The following EIF3L variants were observed in gnomAD, a reference collection of about 807,000 sequenced individuals.
EIF3L encodes the protein eIEF associated protein HSPC021.
In EIF3L, 32 loss-of-function variants were observed where a neutral mutation model predicts 74.6. That is an observed-to-expected ratio of 0.43 (90% CI 0.32 to 0.58). The LOEUF is 0.58. EIF3L is among the 20% of genes least tolerant of loss of function. The probability of loss-of-function intolerance (pLI) is 0.06; values close to 1 mark genes in which losing one functional copy is unlikely to be tolerated. For missense variants in EIF3L, 474 were observed against 707.8 expected (o/e 0.67, Z 3.75); for synonymous variants, 256 against 254.4 (o/e 1.01, Z -0.06).
chr22:37,850,106 G>A (rs536019258), intron 2 of EIF3L, 43 bp downstream of exon 2: 3 of 1,608,606 alleles, frequency 1.9e-6, no homozygotes, highest in Non-Finnish European at 2.6e-6. Flanking sequence ...GTAGGGATCA[G>A]TTCCTTTGGA....
At chr22:37,876,232 C>T (rs567757568) in intron 10 of EIF3L, 85 of 482,422 alleles carry the variant, frequency 1.8e-4, no homozygotes, top group Non-Finnish European at 2.7e-4. Context: ...TGGGATCAGG[C>T]GATCATCCTA....
At chr22:37,859,410 C>T (rs1207268790) in intron 5 of EIF3L, among the ~76,000 whole-genome samples, 1 of 105,868 alleles carries the variant, frequency 9.4e-6, no homozygotes, top group African/African-American at 4.1e-5. Flanking sequence ...GAGAGTGAGT[C>T]TCGCTCTGTC....
In EIF3L at chr22:37,887,307, GA is replaced by G. The variant is rs200374247; in HGVS notation, c.1656+474del. The G allele has an allele frequency of 6.9e-3, 888 of 129,330 alleles. 6 individuals are homozygous for G. The highest frequency in any genetic ancestry group is 0.021 in the African/African-American group (756 of 35,756). The allele number at this position is 129,330 out of a possible 1,614,324, so 8.0% of individuals were successfully genotyped here. A position where few individuals can be genotyped will look rare whatever the true frequency, so the allele number is the denominator to read the frequency against. On this transcript the variant is annotated intron_variant, in intron 12 of 12. Transcript: ENST00000652021. ...GCAACCGAGCAAGACCCTGTCTCAAGAAAAAAAAAAAAGAAAAAGAGGCCAG... is the reference window on the plus strand; with the variant it reads ...GCAACCGAGCAAGACCCTGTCTCAAGAAAAAAAAAAAGAAAAAGAGGCCAG...
chr22:37,870,835 A>T (rs1253651881), intron 8 of EIF3L, among the ~76,000 whole-genome samples: 1 of 152,114 alleles, frequency 6.6e-6, no homozygotes, highest in Admixed American at 6.6e-5. Flanking sequence ...GCACATAAAG[A>T]AAATCTGGCC....
Position 37,888,544 on chromosome 22 carries a change from A to G in EIF3L, c.*80A>G, listed in dbSNP as rs376446311. 2.1e-6 allele frequency: 3 copies of G among 1,443,420 alleles called. No individual in the cohort carries two copies. In the African/African-American group the frequency reaches 4.2e-5, roughly 20 times the overall value. 89.4% of individuals were successfully genotyped at this position (1,443,420 alleles called of 1,614,324 possible). ...TTTTGCTACCGTGAAACCTTTACCT[A>G]GATCAGCCATCAGCCTGTCAACTCA... On this transcript the variant is annotated 3_prime_UTR_variant, in exon 13 of 13. Coordinates refer to ENST00000652021, the MANE Select transcript of EIF3L (RefSeq NM_016091.4).
intron 5 of EIF3L, among the ~76,000 whole-genome samples, chr22:37,860,056 A>G (rs990888042): frequency 3.3e-5 from 5 of 152,156 alleles, no homozygotes; most frequent in Non-Finnish European, 7.4e-5. Context: ...ATATACACCA[A>G]TGACTTAATC....
At chr22:37,883,440 G>C (rs1047848161) in intron 11 of EIF3L, 1 of 149,644 alleles carries the variant, frequency 6.7e-6, no homozygotes, top group East Asian at 2.0e-4. Flanking sequence ...AATTAACCGG[G>C]CATGGTGGTG....
chr22:37,854,282 A>T (rs1483545035), intron 3 of EIF3L, among the ~76,000 whole-genome samples: 1 of 152,202 alleles, frequency 6.6e-6, no homozygotes, highest in African/African-American at 2.4e-5. Context: ...TGAGGTCCAG[A>T]TGAGAAAAAA....
At position 37,858,758 on chromosome 22, in the gene EIF3L, G is replaced by A. The variant is rs200591214; in HGVS notation, c.435+18G>A. 39 of 1,584,528 alleles carry A rather than the reference G, an allele frequency of 2.5e-5. No homozygotes were observed. Among genetic ancestry groups the A allele is most frequent in the South Asian group, 1.4e-4 (12 of 83,738 alleles). The stretch of plus-strand genomic sequence containing the variant: ...AAGTCAGTGTAAGTATTTAAGTGTC[G>A]CAGTTTTTTTTTTGTTTTTGTTTTT... On this transcript the variant is annotated intron_variant, in intron 5 of 12. Transcript: ENST00000652021.
intron 3 of EIF3L, 21 bp from the exon 4 acceptor site, chr22:37,855,544 G>T: frequency 6.2e-7 from 1 of 1,611,598 alleles, no homozygotes; most frequent in Non-Finnish European, 8.5e-7. Flanking sequence ...GAATTTTAGA[G>T]ATTTTTTTCT....
In EIF3L at chr22:37,863,083, G is replaced by A. The variant is rs1168847647; in HGVS notation, c.505+45G>A. ...AAGAGGGTGTGTGTGGTTATGATGA[G>A]GTTCAGCATTGGCCTCCAGCTTTTT... On this transcript the variant is annotated intron_variant, in intron 6 of 12. Coordinates refer to ENST00000652021, the MANE Select transcript of EIF3L (RefSeq NM_016091.4). 3 of 1,495,712 alleles carry A rather than the reference G, an allele frequency of 2.0e-6. No individual in the cohort carries two copies. In the South Asian group the frequency reaches 3.7e-5, roughly 18 times the overall value. 92.7% of individuals were successfully genotyped at this position (1,495,712 alleles called of 1,614,324 possible). A position where few individuals can be genotyped will look rare whatever the true frequency, so the allele number is the denominator to read the frequency against.
chr22:37,859,343 C>T (rs1456720505), intron 5 of EIF3L, among the ~76,000 whole-genome samples: 2 of 144,144 alleles, frequency 1.4e-5, no homozygotes, highest in African/African-American at 5.2e-5. Context: ...CTGTTCTTCC[C>T]GACTTCTAAA....
intron 7 of EIF3L, among the ~76,000 whole-genome samples, chr22:37,864,467 C>T (rs1926035219): frequency 6.6e-6 from 1 of 152,014 alleles, no homozygotes; most frequent in African/African-American, 2.4e-5. Context: ...AGAACTGTGC[C>T]AAATGCAAAT....
intron 3 of EIF3L, among the ~76,000 whole-genome samples, chr22:37,853,898 T>C (rs73413911): frequency 0.044 from 6,658 of 152,304 alleles, 485 homozygotes; most frequent in African/African-American, 0.15. Flanking sequence ...CAAATAGACC[T>C]AAAAGTTTTC....
At chr22:37,849,537 A>G in intron 1 of EIF3L, 55 bp downstream of exon 1, 1 of 1,528,368 alleles carries the variant, frequency 6.5e-7, no homozygotes, top group Non-Finnish European at 8.8e-7. Context: ...CTCTGGGACC[A>G]CTGGATGTGG....
At chr22:37,859,905 G>A (rs1045658276) in intron 5 of EIF3L, among the ~76,000 whole-genome samples, 3 of 152,034 alleles carry the variant, frequency 2.0e-5, no homozygotes, top group Non-Finnish European at 4.4e-5. Context: ...CCAGCTACTT[G>A]GAAGGCTGAG....
At chr22:37,884,026 C>G (rs560797723) in intron 11 of EIF3L, 7 of 152,210 alleles carry the variant, frequency 4.6e-5, no homozygotes, top group Non-Finnish European at 8.8e-5. Flanking sequence ...TTCTGTCCCC[C>G]CAAAAAGAAA....
intron 7 of EIF3L, among the ~76,000 whole-genome samples, chr22:37,869,592 C>T (rs1488818761): frequency 6.6e-6 from 1 of 152,162 alleles, no homozygotes; most frequent in African/African-American, 2.4e-5. Context: ...GCCAGGAGTG[C>T]TTCCAGGTTC....
intron 3 of EIF3L, among the ~76,000 whole-genome samples, chr22:37,852,132 T>A (rs1396497928): frequency 6.6e-6 from 1 of 152,206 alleles, no homozygotes; most frequent in African/African-American, 2.4e-5. Context: ...CAGAAATTTA[T>A]ACAAAGCCTA....
Sources: gnomAD v4.1 joint callset for allele counts (sites outside exome capture counted in the v4.1 genomes callset) on GRCh38, gnomAD v4.1.1 for gene constraint, MANE v1.5 for transcripts, NCBI Gene and HGNC (gene_info 2026-07-23, HGNC 2026-07-21) for gene names.